The following RPL3 variants were observed in gnomAD, a reference collection of about 807,000 sequenced individuals.
The protein encoded by RPL3 is large ribosomal subunit protein uL3.
Under a neutral mutation model 46.0 loss-of-function variants are expected in RPL3, and 3 were observed. That is an observed-to-expected ratio of 0.07 (90% CI 0.03 to 0.17). The LOEUF is 0.17. RPL3 is among the 10% of genes least tolerant of loss of function. The pLI is 1.00. For synonymous variants in RPL3, 224 were observed against 190.8 expected (o/e 1.17, Z -1.43); for missense variants, 387 against 532.7 (o/e 0.73, Z 2.69).
At position 39,313,303 on chromosome 22, in the gene RPL3, A is replaced by C. The variant is rs758783912; in HGVS notation, c.1055T>G (p.Leu352Arg). The change falls in exon 9 of 10, where the codon CTG becomes CGG. Residue 352 changes from leucine (L) to arginine (R), a missense_variant. Physicochemically the swap from Leu to Arg is moderately radical, Grantham distance 102. Coordinates refer to ENST00000216146, the MANE Select transcript of RPL3 (RefSeq NM_000967.4). The part of the protein sequence containing the change: ...KRVLTLRKSL[L>R]VQTKRRALEK... Reference sequence around the variant, plus strand: ...CAGAGCCCGCCGCTTCGTCTGCACCAGCAAGGACTATGGGCCAAGAGGGGA... The same window carrying C: ...CAGAGCCCGCCGCTTCGTCTGCACCCGCAAGGACTATGGGCCAAGAGGGGA... 3.7e-6 allele frequency: 6 copies of C among 1,613,908 alleles called. No individual in the cohort carries two copies. Among genetic ancestry groups the C allele is most frequent in the African/African-American group, 1.3e-5 (1 of 74,942 alleles).
At chr22:39,313,363 C>G in intron 8 of RPL3, 53 bp from the exon 9 acceptor site, 1 of 1,607,524 alleles carries the variant, frequency 6.2e-7, no homozygotes, top group Non-Finnish European at 8.5e-7. Context: ...AGGCTTTCCT[C>G]AGCACTGTTC....
chr22:39,313,848 CG>C (rs1569159315), intron 7 of RPL3, 119 bp from the exon 8 acceptor site: 1 of 998,008 alleles, frequency 1.0e-6, no homozygotes, highest in Admixed American at 1.7e-5. Context: ...CAACAAGGAA[CG>C]GTTCCGCAGT....
intron 4 of RPL3, 36 bp downstream of exon 4, chr22:39,316,670 G>C: frequency 6.2e-7 from 1 of 1,611,770 alleles, no homozygotes; most frequent in East Asian, 2.2e-5. Flanking sequence ...CTTCTACTAA[G>C]TGGCAGGCCA....
intron 4 of RPL3, among the ~76,000 whole-genome samples, chr22:39,315,983 T>C (rs1922663582): frequency 6.6e-6 from 1 of 152,198 alleles, no homozygotes; most frequent in Non-Finnish European, 1.5e-5. Context: ...CTCACACCTG[T>C]AATCCCAGCA....
rs766409217 is a variant in RPL3, at chr22:39,318,637, G to A, written c.4-45C>T. 1.7e-5 allele frequency: 25 copies of A among 1,499,606 alleles called. No homozygotes were observed. In the South Asian group the frequency reaches 2.3e-4, roughly 14 times the overall value. The allele number at this position is 1,499,606 out of a possible 1,614,324, so 92.9% of individuals were successfully genotyped here. On this transcript the variant is annotated intron_variant, in intron 1 of 9. Coordinates refer to ENST00000216146, the MANE Select transcript of RPL3 (RefSeq NM_000967.4). Reference sequence around the variant, plus strand: ...CCGTCAGCACCCAAACCAAAGCAGTGCCCCCTTCTCTAGTTCCCAGCTGCT... The same window carrying A: ...CCGTCAGCACCCAAACCAAAGCAGTACCCCCTTCTCTAGTTCCCAGCTGCT...
At chr22:39,313,848 C>T (rs751084315) in intron 7 of RPL3, 119 bp from the exon 8 acceptor site, 27 of 997,890 alleles carry the variant, frequency 2.7e-5, no homozygotes, top group African/African-American at 6.3e-5. Context: ...CAACAAGGAA[C>T]GGTTCCGCAG....
Position 39,316,853 on chromosome 22 carries a change from G to T in RPL3, c.366-12C>A. 6.2e-7 allele frequency: 1 copy of T among 1,613,646 alleles called. No individual in the cohort carries two copies. Among genetic ancestry groups the T allele is most frequent in the Non-Finnish European group, 8.5e-7 (1 of 1,180,028 alleles). On this transcript the variant is annotated splice_polypyrimidine_tract_variant and intron_variant, in intron 3 of 9. Coordinates refer to ENST00000216146, the MANE Select transcript of RPL3 (RefSeq NM_000967.4). ...TCTTAGATTTATGCCTTCAGGAGCA[G>T]AGCAGAGTTGGGGAGGGGACCAGGT...
chr22:39,318,206 T>A, intron 2 of RPL3, 194 bp downstream of exon 2: 1 of 598,750 alleles, frequency 1.7e-6, no homozygotes, highest in Non-Finnish European at 2.9e-6. Flanking sequence ...AAGCAAACAG[T>A]GCTGACCATC....
rs756573252 is a variant in RPL3 at position 39,316,667 on chromosome 22, T to A, written c.501+39A>T. 4 of 1,611,442 alleles carry A rather than the reference T, an allele frequency of 2.5e-6. No individual in the cohort carries two copies. The Admixed American group carries it at 6.7e-5, about 27-fold the overall frequency. On this transcript the variant is annotated intron_variant, in intron 4 of 9. Coordinates refer to ENST00000216146, the MANE Select transcript of RPL3 (RefSeq NM_000967.4). ...CCATGATCACATAGGTCACTTCTACTAAGTGGCAGGCCAAGCCACCCCGGG... is the reference window on the plus strand; with the variant it reads ...CCATGATCACATAGGTCACTTCTACAAAGTGGCAGGCCAAGCCACCCCGGG...
Position 39,312,916 on chromosome 22 carries a change from C to G in RPL3, c.*24G>C, listed in dbSNP as rs1430000465. On this transcript the variant is annotated 3_prime_UTR_variant, in exon 10 of 10. Coordinates refer to ENST00000216146, the MANE Select transcript of RPL3 (RefSeq NM_000967.4). ...AAAATAACTTTTATTGAGACCCCACCAACTGCAAAATCTGTTCCTGGCATT... is the reference window on the plus strand; with the variant it reads ...AAAATAACTTTTATTGAGACCCCACGAACTGCAAAATCTGTTCCTGGCATT... The G allele has an allele frequency of 1.2e-6, 2 of 1,613,956 alleles. No individual in the cohort carries two copies. Among genetic ancestry groups the G allele is most frequent in the Non-Finnish European group, 1.7e-6 (2 of 1,179,810 alleles).
chr22:39,319,058 A>G, intron 1 of RPL3: 1 of 537,778 alleles, frequency 1.9e-6, no homozygotes, highest in Non-Finnish European at 3.8e-6. Flanking sequence ...GCCAAATCAG[A>G]ACGTGACAAT....
intron 3 of RPL3, chr22:39,317,160 T>C (rs1922754581): frequency 3.5e-6 from 2 of 576,996 alleles, no homozygotes; most frequent in South Asian, 2.1e-5. Flanking sequence ...CAGAGGCCCT[T>C]GCCACCCCTA....
In RPL3 at chr22:39,312,967, G is replaced by T; in HGVS notation, c.1185C>A (p.Asp395Glu). 1.2e-6 allele frequency: 2 copies of T among 1,614,154 alleles called. No homozygotes were observed. Among genetic ancestry groups the T allele is most frequent in the Non-Finnish European group, 8.5e-7 (1 of 1,179,992 alleles). The change falls in exon 10 of 10, where the codon GAC becomes GAA. Residue 395 changes from aspartate (D) to glutamate (E), a missense_variant. Asp to Glu is a conservative substitution (Grantham distance 45). Transcript: ENST00000216146. Reference protein sequence around the residue: ...KKAFMGPLKKDRIAKEEGA With the variant: ...KKAFMGPLKKERIAKEEGA ...AAGCTCCTTCTTCCTTTGCAATTCG[G>T]TCTTTCTTCAGTGGTCCCTGTGGGG...
At position 39,319,623 on chromosome 22, in the gene RPL3, G is replaced by A. The variant is rs779372664; in HGVS notation, c.-26C>T. On this transcript the variant is annotated 5_prime_UTR_variant, in exon 1 of 10. Transcript: ENST00000216146. The stretch of plus-strand genomic sequence containing the variant: ...CACGCCATCAAATCCCGCCGGTAGA[G>A]GCCGGTCGGCCTTACGGGTCCGCTA... 24 of 1,545,724 alleles carry A rather than the reference G, an allele frequency of 1.6e-5. No homozygotes were observed. The highest frequency in any genetic ancestry group is 7.1e-5 in the South Asian group (6 of 84,434).
At chr22:39,317,842 A>T in intron 2 of RPL3, 1 of 547,656 alleles carries the variant, frequency 1.8e-6, no homozygotes, top group South Asian at 2.6e-5. Flanking sequence ...AGACAGCCAA[A>T]TACCTGTCCA....
At chr22:39,319,153 G>A (rs757108951) in intron 1 of RPL3, 61 of 543,458 alleles carry the variant, frequency 1.1e-4, no homozygotes, top group African/African-American at 1.0e-3. Flanking sequence ...TGCACCAGCG[G>A]CCCCAGATAT....
intron 2 of RPL3, 22 bp downstream of exon 2, chr22:39,318,378 C>T (rs769137254): frequency 1.2e-6 from 2 of 1,607,178 alleles, no homozygotes; most frequent in Admixed American, 3.5e-5. Context: ...ATTCCCCCAA[C>T]TTTTAGGATG....
At chr22:39,318,291 T>TCC (rs1469968690) in intron 2 of RPL3, 109 bp downstream of exon 2, 4 of 1,137,392 alleles carry the variant, frequency 3.5e-6, no homozygotes, top group Non-Finnish European at 5.1e-6. Flanking sequence ...AACGTGTAAC[T>TCC]CCTGCTTAAA....
chr22:39,319,505 C>A, intron 1 of RPL3, 90 bp downstream of exon 1: 2 of 1,532,522 alleles, frequency 1.3e-6, no homozygotes, highest in Non-Finnish European at 1.8e-6. Context: ...AAACCCCCGG[C>A]GCCGGCCAAG....
Sources: gnomAD v4.1 joint callset for allele counts (sites outside exome capture counted in the v4.1 genomes callset) on GRCh38, gnomAD v4.1.1 for gene constraint, MANE v1.5 for transcripts, NCBI Gene and HGNC (gene_info 2026-07-23, HGNC 2026-07-21) for gene names.